The following CCDC25 variants were observed in gnomAD, a reference collection of about 807,000 sequenced individuals.
CCDC25 encodes coiled-coil domain containing 25, also known as coiled-coil domain-containing protein 25.
CCDC25 carries 16 observed loss-of-function variants against 35.3 expected under a neutral mutation model. The ratio of observed to expected loss-of-function variants is 0.45; its 90% CI spans 0.31 to 0.69. CCDC25 has a LOEUF of 0.69. Ranked by LOEUF, CCDC25 falls within the 30% of genes least tolerant of loss-of-function variation. The pLI, the probability that CCDC25 is intolerant of heterozygous loss-of-function variation, is 0.06. For synonymous variants in CCDC25, 79 were observed against 80.3 expected (o/e 0.98, Z 0.09); for missense variants, 179 against 250.7 (o/e 0.71, Z 1.93).
At chr8:27,742,886 AAAAC>A (rs991875986) in intron 7 of CCDC25, among the ~76,000 whole-genome samples, 3 of 152,138 alleles carry the variant, frequency 2.0e-5, no homozygotes, top group African/African-American at 4.8e-5. Flanking sequence ...ACAAAACAAA[AAAAC>A]AAACAAAAAC....
intron 3 of CCDC25, among the ~76,000 whole-genome samples, chr8:27,761,059 G>T (rs1046930310): frequency 1.3e-5 from 2 of 152,032 alleles, no homozygotes; most frequent in African/African-American, 4.8e-5. Flanking sequence ...AACTAGGGAG[G>T]CAGAGGTTAC....
intron 3 of CCDC25, among the ~76,000 whole-genome samples, chr8:27,758,025 C>T (rs1804078154): frequency 6.6e-6 from 1 of 152,214 alleles, no homozygotes; most frequent in Admixed American, 6.5e-5. Flanking sequence ...GAAACAGACA[C>T]TGCCATGCTT....
intron 1 of CCDC25, chr8:27,772,217 T>G (rs1337917861): frequency 1.1e-5 from 6 of 548,044 alleles, no homozygotes; most frequent in Non-Finnish European, 2.0e-5. Context: ...CCACAGGCTC[T>G]GCCCAATCCC....
chr8:27,753,550 A>G lies in CCDC25; in HGVS notation c.169-963T>C, dbSNP rs117596051. Among the ~76,000 whole-genome samples, 193 of 152,256 alleles carry G rather than the reference A, an allele frequency of 1.3e-3. 2 individuals are homozygous for G. The East Asian group carries it at 0.029, about 23-fold the overall frequency. ...ACACAGTGAGATCCCATATCTACCAAAAAAAATTAAACTGAGCTCATTATG... is the reference window on the plus strand; with the variant it reads ...ACACAGTGAGATCCCATATCTACCAGAAAAAATTAAACTGAGCTCATTATG... On this transcript the variant is annotated intron_variant, in intron 4 of 8. Transcript: ENST00000356537.
intron 5 of CCDC25, among the ~76,000 whole-genome samples, chr8:27,749,122 A>G (rs1358731057): frequency 6.6e-6 from 1 of 152,194 alleles, no homozygotes; most frequent in Non-Finnish European, 1.5e-5. Flanking sequence ...TAGTTTCTTC[A>G]GCAGTGGAAC....
At chr8:27,736,782 T>A (rs1332786155) in intron 8 of CCDC25, among the ~76,000 whole-genome samples, 1 of 152,232 alleles carries the variant, frequency 6.6e-6, no homozygotes, top group Non-Finnish European at 1.5e-5. Context: ...ACTTAGTTGG[T>A]TTGCCACATT....
chr8:27,764,577 C>T, intron 2 of CCDC25: 1 of 234,564 alleles, frequency 4.3e-6, no homozygotes. Context: ...CCATGCCTGG[C>T]CTCTTACGTT....
intron 7 of CCDC25, among the ~76,000 whole-genome samples, chr8:27,741,463 A>G (rs1803436100): frequency 1.3e-5 from 2 of 152,204 alleles, no homozygotes; most frequent in Non-Finnish European, 2.9e-5. Context: ...GGCAGATCAC[A>G]AAGTCAGGGG....
rs1461181699 is a variant in CCDC25, at chr8:27,736,188, T to A, written c.*28A>T. ...GCAATTGTCTCTACATTCACATCTT[T>A]CAAAGGTCCTTTTCTCCTTTTCTCC... On this transcript the variant is annotated 3_prime_UTR_variant, in exon 9 of 9. Coordinates refer to ENST00000356537, the MANE Select transcript of CCDC25 (RefSeq NM_018246.3). 6.2e-7 allele frequency: 1 copy of A among 1,603,516 alleles called. No homozygotes were observed. The highest frequency in any genetic ancestry group is 8.5e-7 in the Non-Finnish European group (1 of 1,175,836).
rs563177263 is a variant in CCDC25 at position 27,766,373 on chromosome 8, T to A, written c.29-1122A>T. ...TCAGAGAGATGCCCTGTACTTTCAG[T>A]AATGAGAAGCTTCTTAAATGATCAA... is the stretch of plus-strand genomic sequence containing the variant. On this transcript the variant is annotated intron_variant, in intron 1 of 8. Transcript: ENST00000356537. Among the ~76,000 whole-genome samples the A allele has an allele frequency of 1.4e-4, 21 of 151,570 alleles. 1 individual carries two copies. Among genetic ancestry groups the A allele is most frequent in the Non-Finnish European group, 8.8e-5 (6 of 67,974 alleles).
intron 4 of CCDC25, chr8:27,754,725 T>C (rs924825349): frequency 1.3e-5 from 2 of 152,338 alleles, no homozygotes; most frequent in African/African-American, 4.8e-5. Flanking sequence ...CTTGAACTCC[T>C]GGGCTCAAGT....
intron 5 of CCDC25, 87 bp from the exon 6 acceptor site, chr8:27,748,685 AC>A (rs1803690862): frequency 2.1e-6 from 2 of 946,080 alleles, no homozygotes; most frequent in Admixed American, 3.7e-5. Flanking sequence ...CCATAAGCCA[AC>A]AAGGGAAACG....
chr8:27,751,283 ATTC>A (rs1007232114), intron 5 of CCDC25, among the ~76,000 whole-genome samples: 2 of 152,232 alleles, frequency 1.3e-5, no homozygotes, highest in African/African-American at 2.4e-5. Context: ...GATTGTTTCA[ATTC>A]TTCTTGTTAT....
Position 27,748,571 on chromosome 8 carries a change from A to G in CCDC25, c.272T>C (p.Val91Ala), listed in dbSNP as rs1282743408. 1 of 1,613,692 alleles carries G rather than the reference A, an allele frequency of 6.2e-7. No individual in the cohort carries two copies. The highest frequency in any genetic ancestry group is 8.5e-7 in the Non-Finnish European group (1 of 1,179,862). ...QGCKMNNVNVVYTPWSNLKKT... is the reference protein window; with the variant it reads ...QGCKMNNVNVAYTPWSNLKKT... ...CTTCAGGTTAGACCACGGCGTATAT[A>G]CCACATTAACGTTGTTCATCTTGCA... The change falls in exon 6 of 9, where the codon GTA (valine) becomes GCA (alanine). Residue 91 changes from valine to alanine, a missense_variant. Transcript: ENST00000356537.
chr8:27,736,330 G>C lies in CCDC25; in HGVS notation c.598-85C>G, dbSNP rs374977960. ...TTACAATTATCTTAATTAGCGAGCT[G>C]CCTTCTCATCTCAGTCACTGAGTTC... On this transcript the variant is annotated intron_variant, in intron 8 of 8. Coordinates refer to ENST00000356537, the MANE Select transcript of CCDC25 (RefSeq NM_018246.3). 4 of 1,040,236 alleles carry C rather than the reference G, an allele frequency of 3.8e-6. No individual in the cohort carries two copies. The African/African-American group carries it at 6.5e-5, about 17-fold the overall frequency. 64.4% of individuals were successfully genotyped at this position (1,040,236 alleles called of 1,614,324 possible). A position where few individuals can be genotyped will look rare whatever the true frequency, so the allele number is the denominator to read the frequency against.
chr8:27,747,182 T>A (rs971152842), intron 7 of CCDC25, among the ~76,000 whole-genome samples: 1 of 152,238 alleles, frequency 6.6e-6, no homozygotes. Flanking sequence ...TTATCTTCTA[T>A]GGCAAAGTAG....
chr8:27,762,552 C>A, intron 2 of CCDC25, 94 bp from the exon 3 acceptor site: 1 of 1,072,958 alleles, frequency 9.3e-7, no homozygotes, highest in Non-Finnish European at 1.4e-6. Flanking sequence ...GCTCCTCCCA[C>A]AAATTTCTCT....
intron 4 of CCDC25, chr8:27,752,968 G>C (rs914440211): frequency 6.6e-5 from 11 of 166,848 alleles, no homozygotes; most frequent in East Asian, 1.8e-4. Context: ...GGATGTCTTC[G>C]TGGCCGAGGT....
rs547246011 is a variant in CCDC25 at position 27,755,312 on chromosome 8, G to A, written c.168+1407C>T. ...CATGTCAGAGGACATGGGAGCACACGGGAGCCCGCTGAAAGAGCTCCAGCT... is the reference window on the plus strand; with the variant it reads ...CATGTCAGAGGACATGGGAGCACACAGGAGCCCGCTGAAAGAGCTCCAGCT... On this transcript the variant is annotated intron_variant, in intron 4 of 8. Coordinates refer to ENST00000356537, the MANE Select transcript of CCDC25 (RefSeq NM_018246.3). 1.7e-4 allele frequency among the ~76,000 whole-genome samples: 26 copies of A among 152,304 alleles called. No homozygotes were observed. The South Asian group carries it at 4.4e-3, about 26-fold the overall frequency.
Sources: gnomAD v4.1 joint callset for allele counts (sites outside exome capture counted in the v4.1 genomes callset) on GRCh38, gnomAD v4.1.1 for gene constraint, MANE v1.5 for transcripts, NCBI Gene and HGNC (gene_info 2026-07-23, HGNC 2026-07-21) for gene names.